The following TEX9 variants were observed in gnomAD, a reference collection of about 807,000 sequenced individuals.
TEX9 encodes testis expressed 9.
Under a neutral mutation model 59.6 loss-of-function variants are expected in TEX9, and 74 were observed. The ratio of observed to expected loss-of-function variants is 1.24; its 90% confidence interval spans 1.03 to 1.51. The LOEUF is 1.51. TEX9 is among the 40% of genes most tolerant of loss of function. The pLI is 0.00. For missense variants in TEX9, 522 were observed against 447.8 expected (o/e 1.17, Z -1.49); for synonymous variants, 186 against 152.2 (o/e 1.22, Z -1.64).
chr15:56,300,622 A>G (rs2045322020), intron 1 of TEX9, among the ~76,000 whole-genome samples: 1 of 149,172 alleles, frequency 6.7e-6, no homozygotes, highest in Admixed American at 6.7e-5. Flanking sequence ...CTGACCCAGC[A>G]CGTTCCCAGT....
At chr15:56,349,331 C>G (rs149241808) in intron 1 of TEX9, among the ~76,000 whole-genome samples, 1 of 152,248 alleles carries the variant, frequency 6.6e-6, no homozygotes, top group African/African-American at 2.4e-5. Context: ...CAGCTCAAAT[C>G]TAATATTGAT....
chr15:56,379,835 T>G (rs2047643055), intron 3 of TEX9, among the ~76,000 whole-genome samples: 1 of 150,908 alleles, frequency 6.6e-6, no homozygotes, highest in South Asian at 2.1e-4. Flanking sequence ...GAAATTTATT[T>G]TGTCTAAGTA....
chr15:56,450,476 T>C (rs2050940225), downstream of TEX9, among the ~76,000 whole-genome samples: 1 of 152,174 alleles, frequency 6.6e-6, no homozygotes, highest in Non-Finnish European at 1.5e-5. Flanking sequence ...ATTTGCCTAT[T>C]CTAGATAGTT....
chr15:56,284,785 T>C (rs2044906860), intron 1 of TEX9, among the ~76,000 whole-genome samples: 1 of 152,160 alleles, frequency 6.6e-6, no homozygotes, highest in African/African-American at 2.4e-5. Context: ...GCTTGACCTT[T>C]TTTTCCAAGT....
intron 1 of TEX9, among the ~76,000 whole-genome samples, chr15:56,305,368 C>G (rs2045455182): frequency 6.6e-6 from 1 of 152,142 alleles, no homozygotes. Context: ...CATTACCAGA[C>G]TTCAAATTAT....
downstream of TEX9, among the ~76,000 whole-genome samples, chr15:56,447,982 C>T (rs2050920299): frequency 6.6e-6 from 1 of 152,138 alleles, no homozygotes; most frequent in South Asian, 2.1e-4. Flanking sequence ...ATTGCTTACT[C>T]CTTTTTATTG....
At chr15:56,275,933 A>G (rs1223951930) in intron 1 of TEX9, among the ~76,000 whole-genome samples, 3 of 152,116 alleles carry the variant, frequency 2.0e-5, no homozygotes, top group African/African-American at 7.2e-5. Context: ...GTTGGCAGTT[A>G]TATTTTCCTT....
At chr15:56,442,155 G>A (rs1182951789) in intron 12 of TEX9, among the ~76,000 whole-genome samples, 1 of 152,110 alleles carries the variant, frequency 6.6e-6, no homozygotes, top group East Asian at 1.9e-4. Flanking sequence ...CTAATCATTA[G>A]AGAAATGCAA....
chr15:56,445,645 C>T (rs1461464113), intron 12 of TEX9: 3 of 151,764 alleles, frequency 2.0e-5, no homozygotes, highest in East Asian at 3.9e-4. Flanking sequence ...CACACACTTA[C>T]CGAAAACAAT....
Position 56,389,418 on chromosome 15 carries a change from A to C in TEX9, c.395+18A>C, listed in dbSNP as rs1168059733. 3 of 1,553,572 alleles carry C rather than the reference A, an allele frequency of 1.9e-6. No individual in the cohort carries two copies. Among genetic ancestry groups the C allele is most frequent in the Non-Finnish European group, 1.8e-6 (2 of 1,135,416 alleles). On this transcript the variant is annotated intron_variant, in intron 6 of 12. Coordinates refer to ENST00000352903, the Ensembl canonical transcript of TEX9. ...AATTCAAGGTATAGTATAGTTTTCA[A>C]AGTATTTCTTTTTTTTTAGTTTTGT... is the stretch of plus-strand genomic sequence containing the variant.
intron 1 of TEX9, among the ~76,000 whole-genome samples, chr15:56,284,237 T>G (rs1292655360): frequency 6.6e-6 from 1 of 152,162 alleles, no homozygotes; most frequent in African/African-American, 2.4e-5. Context: ...CCTCAAGTGA[T>G]CCTCCTGCTT....
chr15:56,431,299 C>G (rs1321930675), intron 12 of TEX9: 78 of 1,553,748 alleles, frequency 5.0e-5, no homozygotes, highest in Non-Finnish European at 6.5e-5. Context: ...CCAAGGCACT[C>G]TAAAATCCAA....
chr15:56,255,747 T>C (rs1367926033), intron 1 of TEX9, among the ~76,000 whole-genome samples: 1 of 151,936 alleles, frequency 6.6e-6, no homozygotes, highest in Admixed American at 6.6e-5. Context: ...GTGAAAATGA[T>C]AGAAATATAA....
At chr15:56,306,112 G>A (rs1211662132) in intron 1 of TEX9, among the ~76,000 whole-genome samples, 3 of 152,080 alleles carry the variant, frequency 2.0e-5, no homozygotes, top group African/African-American at 7.2e-5. Flanking sequence ...AAATGCTGGT[G>A]AGAATGCAGA....
intron 12 of TEX9, among the ~76,000 whole-genome samples, chr15:56,440,212 T>A (rs1373519727): frequency 1.3e-5 from 2 of 152,044 alleles, no homozygotes; most frequent in African/African-American, 4.8e-5. Context: ...AAAATAAAAC[T>A]ACAAGGTATC....
At chr15:56,326,048 T>C (rs1460264069) in intron 1 of TEX9, among the ~76,000 whole-genome samples, 1 of 152,122 alleles carries the variant, frequency 6.6e-6, no homozygotes, top group Admixed American at 6.5e-5. Context: ...TGAGATAAAC[T>C]CAAGGATTAG....
At chr15:56,366,213 T>C (rs2046936115) in intron 2 of TEX9, among the ~76,000 whole-genome samples, 1 of 152,224 alleles carries the variant, frequency 6.6e-6, no homozygotes, top group Non-Finnish European at 1.5e-5. Flanking sequence ...TCCCCAAGTT[T>C]TCACACAGCA....
At chr15:56,371,613 A>G (rs1226387855) in intron 2 of TEX9, among the ~76,000 whole-genome samples, 1 of 151,974 alleles carries the variant, frequency 6.6e-6, no homozygotes, top group Non-Finnish European at 1.5e-5. Flanking sequence ...ACCTTTCTGA[A>G]GTCATCTTTA....
intron 3 of TEX9, among the ~76,000 whole-genome samples, chr15:56,376,609 T>G (rs1366287885): frequency 6.6e-6 from 1 of 152,138 alleles, no homozygotes; most frequent in Non-Finnish European, 1.5e-5. Context: ...ATTATTAGAT[T>G]ATTAGATTTT....
Sources: gnomAD v4.1 joint callset for allele counts (sites outside exome capture counted in the v4.1 genomes callset) on GRCh38, gnomAD v4.1.1 for gene constraint, MANE v1.5 for transcripts, NCBI Gene and HGNC (gene_info 2026-07-23, HGNC 2026-07-21) for gene names.